IFT80: variants seen among roughly 807,000 people sequenced by gnomAD.
IFT80 encodes intraflagellar transport 80.
IFT80 carries 79 observed loss-of-function variants against 107.9 expected under a neutral mutation model. The ratio of observed to expected loss-of-function variants is 0.73; its 90% CI spans 0.61 to 0.88. The LOEUF is 0.88. Among genes scored for constraint, IFT80 ranks in the 40% least tolerant of loss-of-function variants. The pLI, the probability that IFT80 is intolerant of heterozygous loss-of-function variation, is 0.00. For missense variants in IFT80, 797 were observed against 914.2 expected (o/e 0.87, Z 1.65); for synonymous variants, 299 against 300.9 (o/e 0.99, Z 0.07).
intron 10 of IFT80, among the ~76,000 whole-genome samples, chr3:160,307,319 A>C (rs989986978): frequency 6.6e-6 from 1 of 152,048 alleles, no homozygotes; most frequent in Non-Finnish European, 1.5e-5. Flanking sequence ...AGCTAATTCA[A>C]AAAATTTTTT....
intron 5 of IFT80, among the ~76,000 whole-genome samples, chr3:160,368,917 A>G (rs1424474223): frequency 1.3e-5 from 2 of 151,736 alleles, no homozygotes; most frequent in African/African-American, 4.8e-5. Flanking sequence ...AGTAAATACA[A>G]CTCCCATTGA....
At chr3:160,318,490 T>G (rs1717981657) in intron 9 of IFT80, among the ~76,000 whole-genome samples, 2 of 152,036 alleles carry the variant, frequency 1.3e-5, no homozygotes, top group Admixed American at 1.3e-4. Context: ...CATGGTACTT[T>G]GATCTTCTCC....
At chr3:160,394,620 G>A (rs1305396034) in intron 1 of IFT80, among the ~76,000 whole-genome samples, 1 of 152,030 alleles carries the variant, frequency 6.6e-6, no homozygotes, top group African/African-American at 2.4e-5. Flanking sequence ...GTGGTGGCGG[G>A]CGCCTATAAT....
intron 8 of IFT80, among the ~76,000 whole-genome samples, chr3:160,323,064 G>T (rs1327444248): frequency 9.3e-5 from 14 of 150,348 alleles, no homozygotes; most frequent in African/African-American, 3.4e-4. Context: ...GTCAATTTTG[G>T]CTTTTGTTGC....
chr3:160,270,259 C>T (rs1394475262), intron 18 of IFT80, among the ~76,000 whole-genome samples: 1 of 152,200 alleles, frequency 6.6e-6, no homozygotes, highest in Admixed American at 6.5e-5. Context: ...CCTTGGCCTC[C>T]CAAAGTGCTG....
In IFT80 at chr3:160,277,401, A is replaced by G. The variant is rs760878828; in HGVS notation, c.2004T>C (p.Phe668=). Residue 668 remains phenylalanine, a synonymous_variant, in exon 18 of 20, where the codon TTT becomes TTC. Transcript: ENST00000326448. Reference sequence around the variant, plus strand: ...TTTCAGCCTCCTGTATGTTCCCACTAAACAGTAGTATGTGGGCCATTTTTG... The same window carrying G: ...TTTCAGCCTCCTGTATGTTCCCACTGAACAGTAGTATGTGGGCCATTTTTG... ...KESKMAHILL[F]SGNIQEAEIV... The G allele has an allele frequency of 5.6e-6, 9 of 1,612,266 alleles. No individual in the cohort carries two copies. The South Asian group carries it at 8.8e-5, about 16-fold the overall frequency.
chr3:160,382,424 C>A (rs1712594551), intron 2 of IFT80, among the ~76,000 whole-genome samples: 1 of 152,048 alleles, frequency 6.6e-6, no homozygotes, highest in Admixed American at 6.6e-5. Context: ...TTATAAGATG[C>A]ATAGTGCTGG....
chr3:160,283,900 AGT>A (rs1714891484), intron 13 of IFT80, among the ~76,000 whole-genome samples: 1 of 152,164 alleles, frequency 6.6e-6, no homozygotes, highest in African/African-American at 2.4e-5. Flanking sequence ...TACTCTTTGT[AGT>A]GGGACATAAA....
intron 1 of IFT80, among the ~76,000 whole-genome samples, chr3:160,389,726 A>G (rs1215171812): frequency 1.3e-5 from 2 of 151,924 alleles, no homozygotes; most frequent in Non-Finnish European, 2.9e-5. Flanking sequence ...AATCCAGTCT[A>G]TCATTGTTGG....
intron 8 of IFT80, among the ~76,000 whole-genome samples, chr3:160,333,425 T>C (rs1455120348): frequency 6.6e-6 from 1 of 152,218 alleles, no homozygotes; most frequent in Non-Finnish European, 1.5e-5. Context: ...TTTTAAACTT[T>C]TTGACTCTTG....
At chr3:160,366,814 T>C (rs1367210612) in intron 5 of IFT80, among the ~76,000 whole-genome samples, 3 of 152,064 alleles carry the variant, frequency 2.0e-5, no homozygotes, top group Admixed American at 6.6e-5. Context: ...CTTTGTGTTA[T>C]GAACAATCCA....
At chr3:160,317,750 C>T (rs886390596) in intron 9 of IFT80, among the ~76,000 whole-genome samples, 1 of 152,000 alleles carries the variant, frequency 6.6e-6, no homozygotes, top group Non-Finnish European at 1.5e-5. Context: ...TCAGCCCAGT[C>T]CAGACTGAGA....
intron 8 of IFT80, among the ~76,000 whole-genome samples, chr3:160,350,421 A>G (rs1225030353): frequency 6.6e-6 from 1 of 151,666 alleles, no homozygotes; most frequent in Non-Finnish European, 1.5e-5. Flanking sequence ...GTCTCAAAAA[A>G]AAAAAAAAAA....
At position 160,279,183 on chromosome 3, in the gene IFT80, T is replaced by C. The variant is rs1189775729; in HGVS notation, c.1836+10A>G. Reference sequence around the variant, plus strand: ...TATATATACAACTATGAATCTAAAATGTAAATTACCTTAACAAAGCGACAA... The same window carrying C: ...TATATATACAACTATGAATCTAAAACGTAAATTACCTTAACAAAGCGACAA... On this transcript the variant is annotated intron_variant, in intron 16 of 19. Coordinates refer to ENST00000326448, the MANE Select transcript of IFT80 (RefSeq NM_020800.3). 24 of 1,607,932 alleles carry C rather than the reference T, an allele frequency of 1.5e-5. No individual in the cohort carries two copies. Among genetic ancestry groups the C allele is most frequent in the Non-Finnish European group, 1.8e-5 (21 of 1,174,708 alleles).
rs1379290550 is a variant in IFT80, at chr3:160,282,537, C to G, written c.1457G>C (p.Arg486Thr). ...DRKIAFIDKN[R>T]DLCITSVKRF... The stretch of plus-strand genomic sequence containing the variant: ...TTTCACAGAAGTGATACAGAGATCT[C>G]TATTTTTATCAATGAAAGCAATTTT... Residue 486 changes from arginine (R) to threonine (T), a missense_variant, in exon 14 of 20, where the codon AGA (arginine) becomes ACA (threonine). Coordinates refer to ENST00000326448, the MANE Select transcript of IFT80 (RefSeq NM_020800.3). 6.3e-7 allele frequency: 1 copy of G among 1,594,316 alleles called. No individual in the cohort carries two copies. The highest frequency in any genetic ancestry group is 8.6e-7 in the Non-Finnish European group (1 of 1,166,144).
Position 160,294,004 on chromosome 3 carries a change from G to A in IFT80, c.1315+6879C>T, listed in dbSNP as rs182339627. ...GGCACAGAAGCTCCAGGCCTCACCC[G>A]AGGTCTACCCTTTTTAATAAAATTG... On this transcript the variant is annotated intron_variant, in intron 12 of 19. Transcript: ENST00000326448. 6.6e-5 allele frequency among the ~76,000 whole-genome samples: 10 copies of A among 152,226 alleles called. No homozygotes were observed. In the East Asian group the frequency reaches 1.2e-3, roughly 18 times the overall value.
intron 19 of IFT80, among the ~76,000 whole-genome samples, chr3:160,263,386 T>G (rs762706803): frequency 2.8e-4 from 43 of 152,210 alleles, no homozygotes; most frequent in South Asian, 6.2e-4. Context: ...ATCTTTCAAG[T>G]CATTCTCTTG....
At chr3:160,348,481 G>T (rs976268418) in intron 8 of IFT80, among the ~76,000 whole-genome samples, 1 of 152,136 alleles carries the variant, frequency 6.6e-6, no homozygotes, top group African/African-American at 2.4e-5. Flanking sequence ...TTGAACACTG[G>T]ACAGCAATCA....
chr3:160,266,954 T>C (rs1713381107), intron 19 of IFT80, among the ~76,000 whole-genome samples: 1 of 151,998 alleles, frequency 6.6e-6, no homozygotes, highest in Admixed American at 6.6e-5. Flanking sequence ...GCCCCAGAGA[T>C]CCCAGGGATG....
Sources: allele counts gnomAD v4.1 joint callset (sites outside exome capture counted in the v4.1 genomes callset), GRCh38; gene constraint gnomAD v4.1.1; transcripts MANE v1.5; gene names NCBI Gene and HGNC (gene_info 2026-07-23, HGNC 2026-07-21).